SPHKAP: variants seen among roughly 807,000 people sequenced by gnomAD.
SPHKAP encodes A-kinase anchor protein SPHKAP.
A neutral mutation model predicts 137.5 loss-of-function variants in SPHKAP; 67 were observed. The ratio of observed to expected loss-of-function variants is 0.49; its 90% CI spans 0.40 to 0.60. SPHKAP has a LOEUF of 0.60. SPHKAP is among the 20% of genes least tolerant of loss of function. SPHKAP has a pLI of 0.00. For synonymous variants in SPHKAP, 813 were observed against 785.3 expected, an observed-to-expected ratio of 1.04 and a Z score of -0.59; for missense variants, 2,097 against 2,069.3, an observed-to-expected ratio of 1.01 and a Z score of -0.26.
chr2:228,158,282 C>T (rs897683787), intron 1 of SPHKAP, among the ~76,000 whole-genome samples: 1 of 150,142 alleles, frequency 6.7e-6, no homozygotes, highest in Non-Finnish European at 1.5e-5. Context: ...TGTGGAAATA[C>T]AATACACATA....
chr2:228,037,084 T>C (rs1423505558), intron 3 of SPHKAP, among the ~76,000 whole-genome samples: 2 of 152,084 alleles, frequency 1.3e-5, no homozygotes, highest in Non-Finnish European at 2.9e-5. Context: ...TCAAAATCAG[T>C]GGGAAACTAC....
chr2:228,056,512 T>C (rs968683447), intron 3 of SPHKAP, among the ~76,000 whole-genome samples: 1 of 152,050 alleles, frequency 6.6e-6, no homozygotes, highest in Non-Finnish European at 1.5e-5. Flanking sequence ...TACTCATTCT[T>C]TCTGACTTGA....
In SPHKAP at chr2:228,017,123, GA is replaced by G. The variant is rs749714722; in HGVS notation, c.3730del (p.Ser1244ProfsTer6). ...HRQSSMPDSR[S>X]PCSRLTVNVP... is the part of the protein sequence containing the mutation. ...ATTCACTGTCAGCCTGGAGCATGGG[GA>G]TCTGCTGTCTGGCATGGACGACTGT... is the stretch of plus-strand genomic sequence containing the variant. On this transcript the variant is annotated frameshift_variant, in exon 7 of 12. Transcript: ENST00000392056. LOFTEE classifies it high-confidence loss of function. 6.2e-7 allele frequency: 1 copy of G among 1,614,066 alleles called. No individual in the cohort carries two copies. The highest frequency in any genetic ancestry group is 8.5e-7 in the Non-Finnish European group (1 of 1,180,030).
chr2:228,164,994 T>C (rs1262918715), intron 1 of SPHKAP, among the ~76,000 whole-genome samples: 2 of 152,228 alleles, frequency 1.3e-5, no homozygotes, highest in Admixed American at 1.3e-4. Flanking sequence ...CTACTTGTGT[T>C]CATTATTGCA....
At chr2:228,072,861 G>A (rs765952537) in intron 3 of SPHKAP, among the ~76,000 whole-genome samples, 12 of 152,194 alleles carry the variant, frequency 7.9e-5, no homozygotes, top group Non-Finnish European at 1.5e-4. Flanking sequence ...GGTTCAGCCC[G>A]CGGCCTTCCA....
In SPHKAP at chr2:228,018,666, G is replaced by A. The variant is rs759471302; in HGVS notation, c.2188C>T (p.Leu730Phe). 3 of 1,614,174 alleles carry A rather than the reference G, an allele frequency of 1.9e-6. No homozygotes were observed. Among genetic ancestry groups the A allele is most frequent in the Admixed American group, 1.7e-5 (1 of 60,022 alleles). ...GAAAGGACAGCAGGACATTCACCAA[G>A]CCGTACAATATGACTCATCTTCTTG... Reference protein sequence around the residue: ...TFKKMSHIVRLGECPAVLSKE... With the variant: ...TFKKMSHIVRFGECPAVLSKE... The change falls in exon 7 of 12, where the codon CTT becomes TTT. Residue 730 changes from leucine to phenylalanine, a missense_variant. Physicochemically the swap from Leu to Phe is conservative, Grantham distance 22. Coordinates refer to ENST00000392056, the MANE Select transcript of SPHKAP (RefSeq NM_001142644.2).
At chr2:228,131,263 A>G in intron 2 of SPHKAP, 1 of 982,816 alleles carries the variant, frequency 1.0e-6, no homozygotes, top group Non-Finnish European at 1.2e-6. Flanking sequence ...AATAAATGAA[A>G]TAACTCACTG....
At chr2:228,050,034 T>C (rs753956440) in intron 3 of SPHKAP, among the ~76,000 whole-genome samples, 1 of 152,084 alleles carries the variant, frequency 6.6e-6, no homozygotes, top group African/African-American at 2.4e-5. Context: ...GCAAAGGATA[T>C]GAACAGACAC....
At chr2:228,047,087 T>C (rs1391293865) in intron 3 of SPHKAP, among the ~76,000 whole-genome samples, 1 of 152,142 alleles carries the variant, frequency 6.6e-6, no homozygotes, top group African/African-American at 2.4e-5. Flanking sequence ...AAAATATAAG[T>C]GAGTATATGT....
chr2:228,146,150 A>G lies in SPHKAP; in HGVS notation c.33-14065T>C, dbSNP rs577873570. On this transcript the variant is annotated intron_variant, in intron 1 of 11. Coordinates refer to ENST00000392056, the MANE Select transcript of SPHKAP (RefSeq NM_001142644.2). ...CACAGCAAATTTAACAGGAAGGTCC[A>G]GAGAGTTCCCATGTACCCCCTGCTC... is the stretch of plus-strand genomic sequence containing the variant. Among the ~76,000 whole-genome samples the G allele has an allele frequency of 8.5e-4, 130 of 152,244 alleles. 1 individual carries two copies. The Middle Eastern group carries it at 0.01, about 12-fold the overall frequency.
chr2:228,075,736 T>G (rs1697159656), intron 3 of SPHKAP, among the ~76,000 whole-genome samples: 1 of 152,146 alleles, frequency 6.6e-6, no homozygotes. Context: ...AACATGTAAT[T>G]TCTTAGGACA....
At chr2:228,161,284 G>A (rs1700264695) in intron 1 of SPHKAP, among the ~76,000 whole-genome samples, 1 of 152,202 alleles carries the variant, frequency 6.6e-6, no homozygotes, top group Non-Finnish European at 1.5e-5. Context: ...GTCAGGAAAA[G>A]CCTGGATAGG....
intron 1 of SPHKAP, among the ~76,000 whole-genome samples, chr2:228,142,001 T>C (rs1699620799): frequency 6.6e-6 from 1 of 152,248 alleles, no homozygotes; most frequent in Non-Finnish European, 1.5e-5. Context: ...GTTATGGTTC[T>C]GTGGAGGCCC....
At chr2:228,119,931 T>A (rs1306594158) in intron 2 of SPHKAP, among the ~76,000 whole-genome samples, 2 of 152,204 alleles carry the variant, frequency 1.3e-5, no homozygotes, top group Non-Finnish European at 2.9e-5. Context: ...ACATATTCTG[T>A]AATTCTATTT....
Position 227,981,651 on chromosome 2 carries a change from A to G in SPHKAP, c.*66T>C. 6.5e-7 allele frequency: 1 copy of G among 1,542,194 alleles called. No homozygotes were observed. Among genetic ancestry groups the G allele is most frequent in the Non-Finnish European group, 8.7e-7 (1 of 1,146,944 alleles). ...TGTTTTGAGAATGTTTAGAGCATTT[A>G]GAACAAACCACTGTAATCTAAGTTG... On this transcript the variant is annotated 3_prime_UTR_variant, in exon 12 of 12. Coordinates refer to ENST00000392056, the MANE Select transcript of SPHKAP (RefSeq NM_001142644.2).
intron 3 of SPHKAP, among the ~76,000 whole-genome samples, chr2:228,107,385 T>C (rs1698376075): frequency 6.6e-6 from 1 of 152,174 alleles, no homozygotes; most frequent in Admixed American, 6.6e-5. Flanking sequence ...AATATGCCTC[T>C]TACTTTTGTA....
chr2:228,041,646 CAAAAAAA>C (rs58570907), intron 3 of SPHKAP, among the ~76,000 whole-genome samples: 13 of 95,942 alleles, frequency 1.4e-4, no homozygotes, highest in East Asian at 1.0e-3. Context: ...GACTCTGTCT[CAAAAAAA>C]AAAAAAAAAA....
intron 3 of SPHKAP, 135 bp downstream of exon 3, chr2:228,108,697 C>T (rs1283308505): frequency 1.8e-5 from 11 of 605,790 alleles, no homozygotes; most frequent in Admixed American, 3.6e-5. Flanking sequence ...CCATATAAAC[C>T]CGCTATGTAT....
rs530445923 is a variant in SPHKAP at position 228,155,577 on chromosome 2, C to T, written c.33-23492G>A. ...GAGGAAGCAGAGCATGAAATTTTCCCGAGGCTGAGCAGATGAGGAGTTTCC... is the reference window on the plus strand; with the variant it reads ...GAGGAAGCAGAGCATGAAATTTTCCTGAGGCTGAGCAGATGAGGAGTTTCC... On this transcript the variant is annotated intron_variant, in intron 1 of 11. Coordinates refer to ENST00000392056, the MANE Select transcript of SPHKAP (RefSeq NM_001142644.2). Among the ~76,000 whole-genome samples the T allele has an allele frequency of 8.5e-5, 13 of 152,136 alleles. No individual in the cohort carries two copies. The South Asian group carries it at 2.3e-3, about 27-fold the overall frequency.
Sources: gnomAD v4.1 joint callset for allele counts (sites outside exome capture counted in the v4.1 genomes callset) on GRCh38, gnomAD v4.1.1 for gene constraint, MANE v1.5 for transcripts, NCBI Gene and HGNC (gene_info 2026-07-23, HGNC 2026-07-21) for gene names.